RAMP3: variants seen among roughly 807,000 people sequenced by gnomAD.
The protein encoded by RAMP3 is receptor activity modifying protein 3.
In RAMP3, 14 loss-of-function variants were observed where a neutral mutation model predicts 13.5. The ratio of observed to expected loss-of-function variants is 1.04; its 90% CI spans 0.69 to 1.63. The LOEUF (loss-of-function observed/expected upper bound fraction) is 1.63, where lower values mean the gene tolerates loss of function less well. Among genes scored for constraint, RAMP3 ranks in the 40% most tolerant of loss-of-function variants. RAMP3 has a pLI of 0.00. For synonymous variants in RAMP3, 106 were observed against 88.3 expected, an observed-to-expected ratio of 1.20 and a Z score of -1.12; for missense variants, 200 against 204.8, an observed-to-expected ratio of 0.98 and a Z score of 0.14.
At chr7:45,173,300 A>G (rs951322765) in intron 1 of RAMP3, among the ~76,000 whole-genome samples, 1 of 152,228 alleles carries the variant, frequency 6.6e-6, no homozygotes, top group Non-Finnish European at 1.5e-5. Flanking sequence ...GTGTCCGCTT[A>G]TCTTCTCTAC....
At chr7:45,175,286 T>C (rs1391410105) in intron 1 of RAMP3, among the ~76,000 whole-genome samples, 12 of 152,260 alleles carry the variant, frequency 7.9e-5, no homozygotes, top group Admixed American at 4.6e-4. Flanking sequence ...GCCATGGTGG[T>C]GACTTCACCC....
At position 45,183,370 on chromosome 7, in the gene RAMP3, C is replaced by T. The variant is rs765012331; in HGVS notation, c.405C>T (p.Gly135=). The change falls in exon 3 of 3, where the codon GGC becomes GGT. Residue 135 remains glycine (G), a synonymous_variant. Coordinates refer to ENST00000242249, the MANE Select transcript of RAMP3 (RefSeq NM_005856.3). ...IPVVLTVAMA[G]LVVWRSKRTD... is the part of the protein sequence containing the mutation. The stretch of plus-strand genomic sequence containing the variant: ...TCGTTCTGACTGTCGCCATGGCTGG[C>T]CTGGTGGTGTGGCGCAGCAAACGCA... The T allele has an allele frequency of 1.9e-6, 3 of 1,613,538 alleles. No individual in the cohort carries two copies. Among genetic ancestry groups the T allele is most frequent in the Non-Finnish European group, 2.5e-6 (3 of 1,180,040 alleles).
intron 1 of RAMP3, chr7:45,163,601 T>C (rs567393852): frequency 5.1e-6 from 5 of 985,372 alleles, no homozygotes; most frequent in South Asian, 4.7e-5. Flanking sequence ...GAATAGGAAG[T>C]TGGGGCCCGA....
chr7:45,165,391 C>A (rs6979472), intron 1 of RAMP3, among the ~76,000 whole-genome samples: 1 of 151,614 alleles, frequency 6.6e-6, no homozygotes, highest in African/African-American at 2.4e-5. Flanking sequence ...AATTTCTGAT[C>A]TCCTCCATTC....
rs1584081328 is a variant in RAMP3 at position 45,183,591 on chromosome 7, T to C, written c.*179T>C. On this transcript the variant is annotated 3_prime_UTR_variant, in exon 3 of 3. Transcript: ENST00000242249. The stretch of plus-strand genomic sequence containing the variant: ...CCTCGAGGCCAGCCTGCTCCCTGGC[T>C]GAGGCTCAGGCTATCCGCCCAAGCT... 5 of 860,284 alleles carry C rather than the reference T, an allele frequency of 5.8e-6. No homozygotes were observed. The East Asian group carries it at 7.9e-5, about 14-fold the overall frequency. 53.3% of individuals were successfully genotyped at this position (860,284 alleles called of 1,614,324 possible).
intron 2 of RAMP3, 118 bp from the exon 3 acceptor site, chr7:45,183,039 A>C (rs1786348590): frequency 7.1e-7 from 1 of 1,402,236 alleles, no homozygotes. Context: ...CTGGGCTGTG[A>C]ATAGGTGGCC....
Position 45,177,440 on chromosome 7 carries a change from G to C in RAMP3, c.190G>C (p.Val64Leu), listed in dbSNP as rs376505514. 1 of 1,614,042 alleles carries C rather than the reference G, an allele frequency of 6.2e-7. No homozygotes were observed. The highest frequency in any genetic ancestry group is 8.5e-7 in the Non-Finnish European group (1 of 1,179,942). Reference protein sequence around the residue: ...WKWCNLSEFIVYYESFTNCTE... With the variant: ...WKWCNLSEFILYYESFTNCTE... Reference sequence around the variant, plus strand: ...GTGGTGCAACCTGTCCGAGTTCATCGTGTGAGTGCCACTGCTGGGCGTGGG... The same window carrying C: ...GTGGTGCAACCTGTCCGAGTTCATCCTGTGAGTGCCACTGCTGGGCGTGGG... Residue 64 changes from valine to leucine, a missense_variant and splice_region_variant, in exon 2 of 3, where the codon GTG becomes CTG. Coordinates refer to ENST00000242249, the MANE Select transcript of RAMP3 (RefSeq NM_005856.3).
chr7:45,176,285 C>T (rs1196926516), intron 1 of RAMP3, among the ~76,000 whole-genome samples: 1 of 152,048 alleles, frequency 6.6e-6, no homozygotes, highest in African/African-American at 2.4e-5. Flanking sequence ...TTTCCTCTAG[C>T]CCAGCACCAG....
rs1251906470 is a variant in RAMP3, at chr7:45,160,562, C to T, written c.58+2676C>T. 3.3e-5 allele frequency among the ~76,000 whole-genome samples: 5 copies of T among 151,980 alleles called. No homozygotes were observed. In the South Asian group the frequency reaches 6.3e-4, roughly 19 times the overall value. On this transcript the variant is annotated intron_variant, in intron 1 of 2. Coordinates refer to ENST00000242249, the MANE Select transcript of RAMP3 (RefSeq NM_005856.3). The stretch of plus-strand genomic sequence containing the variant: ...CCCAGAATCCACAGCCTCCCAAGGT[C>T]GACTGACCGTGGCCCATGGCAGCCA...
At chr7:45,172,539 G>A (rs936486322) in intron 1 of RAMP3, among the ~76,000 whole-genome samples, 4 of 152,114 alleles carry the variant, frequency 2.6e-5, no homozygotes, top group African/African-American at 4.8e-5. Flanking sequence ...GCAGTGGCAC[G>A]ATCTTGGCTC....
chr7:45,159,344 C>T (rs1481465658), intron 1 of RAMP3, among the ~76,000 whole-genome samples: 4 of 152,146 alleles, frequency 2.6e-5, no homozygotes, highest in Non-Finnish European at 5.9e-5. Flanking sequence ...CAGAGGTATC[C>T]GGGACTGGAA....
chr7:45,167,558 CTTTT>C (rs373727786), intron 1 of RAMP3, among the ~76,000 whole-genome samples: 31 of 139,476 alleles, frequency 2.2e-4, no homozygotes, highest in African/African-American at 2.6e-4. Flanking sequence ...CAACTTTGTT[CTTTT>C]TTTTTTTTTT....
intron 1 of RAMP3, among the ~76,000 whole-genome samples, chr7:45,164,459 C>A (rs1339229833): frequency 6.6e-6 from 1 of 152,136 alleles, no homozygotes; most frequent in East Asian, 1.9e-4. Flanking sequence ...TGCTCAAGCC[C>A]AGGCAGTGAA....
In RAMP3 at chr7:45,177,406, C is replaced by G; in HGVS notation, c.156C>G (p.Asp52Glu). The G allele has an allele frequency of 1.2e-6, 2 of 1,614,104 alleles. No homozygotes were observed. The highest frequency in any genetic ancestry group is 2.2e-5 in the South Asian group (2 of 91,074). Residue 52 changes from aspartate to glutamate, a missense_variant, in exon 2 of 3, where the codon GAC becomes GAG. Asp to Glu is a conservative substitution (Grantham distance 45). Coordinates refer to ENST00000242249, the MANE Select transcript of RAMP3 (RefSeq NM_005856.3). ...TCGCAGACATGATGGGCAAGGTGGACGTCTGGAAGTGGTGCAACCTGTCCG... is the reference window on the plus strand; with the variant it reads ...TCGCAGACATGATGGGCAAGGTGGAGGTCTGGAAGTGGTGCAACCTGTCCG... ...KAFADMMGKV[D>E]VWKWCNLSEF...
Position 45,184,103 on chromosome 7 carries a change from G to A in RAMP3, c.*691G>A, listed in dbSNP as rs1003193615. ...GGGGTGTGTTAGAGCCCCTCACCGGGACTTGCTGTGCGGATGGGGCCTGGG... is the reference window on the plus strand; with the variant it reads ...GGGGTGTGTTAGAGCCCCTCACCGGAACTTGCTGTGCGGATGGGGCCTGGG... On this transcript the variant is annotated 3_prime_UTR_variant, in exon 3 of 3. Coordinates refer to ENST00000242249, the MANE Select transcript of RAMP3 (RefSeq NM_005856.3). 6 of 399,572 alleles carry A rather than the reference G, an allele frequency of 1.5e-5. No individual in the cohort carries two copies. The highest frequency in any genetic ancestry group is 2.2e-5 in the Non-Finnish European group (5 of 226,880). The allele number at this position is 399,572 out of a possible 1,614,324, so 24.8% of individuals were successfully genotyped here.
intron 1 of RAMP3, among the ~76,000 whole-genome samples, chr7:45,164,514 G>A (rs950464441): frequency 6.6e-6 from 1 of 151,562 alleles, no homozygotes; most frequent in Non-Finnish European, 1.5e-5. Context: ...CAGCCTCGGT[G>A]ACAGAGTGAG....
At chr7:45,159,111 C>T (rs1053218818) in intron 1 of RAMP3, among the ~76,000 whole-genome samples, 1 of 152,198 alleles carries the variant, frequency 6.6e-6, no homozygotes, top group South Asian at 2.1e-4. Flanking sequence ...TGCACAGAAT[C>T]CCCCCTTAAT....
chr7:45,160,763 C>T (rs1185247562), intron 1 of RAMP3, among the ~76,000 whole-genome samples: 1 of 152,238 alleles, frequency 6.6e-6, no homozygotes, highest in Non-Finnish European at 1.5e-5. Context: ...CCGGCATGTT[C>T]TTTGTTTCCC....
At chr7:45,158,896 T>A (rs571877258) in intron 1 of RAMP3, among the ~76,000 whole-genome samples, 2 of 152,318 alleles carry the variant, frequency 1.3e-5, no homozygotes, top group African/African-American at 4.8e-5. Flanking sequence ...TGGTGGATTT[T>A]GTGTTGAAGT....
Sources: gnomAD v4.1 joint callset for allele counts (sites outside exome capture counted in the v4.1 genomes callset) on GRCh38, gnomAD v4.1.1 for gene constraint, MANE v1.5 for transcripts, NCBI Gene and HGNC (gene_info 2026-07-23, HGNC 2026-07-21) for gene names.